ADAM33: variants seen among roughly 807,000 people sequenced by gnomAD.
ADAM33 encodes the protein ADAM metallopeptidase domain 33.
A neutral mutation model predicts 106.2 loss-of-function variants in ADAM33; 103 were observed. That is an observed-to-expected ratio of 0.97 (90% CI 0.83 to 1.14). The LOEUF (loss-of-function observed/expected upper bound fraction) is 1.14. Among genes scored for constraint, ADAM33 ranks in the 50% most tolerant of loss-of-function variants. The pLI, the probability that ADAM33 is intolerant of heterozygous loss-of-function variation, is 0.00. For missense variants in ADAM33, 1,120 were observed against 1,096.6 expected, an observed-to-expected ratio of 1.02 and a Z score of -0.30; for synonymous variants, 483 against 453.0, an observed-to-expected ratio of 1.07 and a Z score of -0.84.
At chr20:3,673,109 G>T (rs1209437178) in intron 11 of ADAM33, 2 of 1,454,746 alleles carry the variant, frequency 1.4e-6, no homozygotes, top group Non-Finnish European at 1.8e-6. Context: ...ATCGCGACCC[G>T]ACGGTGCTCC....
intron 2 of ADAM33, among the ~76,000 whole-genome samples, chr20:3,677,674 G>T (rs968340221): frequency 6.6e-6 from 1 of 152,176 alleles, no homozygotes; most frequent in Non-Finnish European, 1.5e-5. Context: ...GTTTTCCTGG[G>T]CCTCCAGCAG....
Position 3,677,119 on chromosome 20 carries a change from C to A in ADAM33, c.202G>T (p.Val68Leu), listed in dbSNP as rs768306674. 6 of 1,611,330 alleles carry A rather than the reference C, an allele frequency of 3.7e-6. No homozygotes were observed. In the Middle Eastern group the frequency reaches 5.0e-4, roughly 133 times the overall value. The stretch of plus-strand genomic sequence containing the variant: ...TCCTGGCCTTCAGCCTCCAGGGCCA[C>A]CAGCCCCATGTCTGGCTTCGAGACC... Reference protein sequence around the residue: ...EPVSKPDMGLVALEAEGQELL... With the variant: ...EPVSKPDMGLLALEAEGQELL... The change falls in exon 3 of 22, where the codon GTG becomes TTG. Residue 68 changes from valine to leucine, a missense_variant. Val to Leu is a conservative substitution (Grantham distance 32). Transcript: ENST00000356518.
chr20:3,671,459 T>C lies in ADAM33; in HGVS notation c.1943A>G (p.Gln648Arg). The C allele has an allele frequency of 6.2e-7, 1 of 1,612,000 alleles. No homozygotes were observed. The change falls in exon 17 of 22, where the codon CAG (glutamine) becomes CGG (arginine). Residue 648 changes from glutamine to arginine, a missense_variant. Physicochemically the swap from Gln to Arg is conservative, Grantham distance 43. Coordinates refer to ENST00000356518, the MANE Select transcript of ADAM33 (RefSeq NM_025220.5). Reference protein sequence around the residue: ...QSRRCRKNAFQELQRCLTACH... With the variant: ...QSRRCRKNAFRELQRCLTACH... ...GGCAGTCAGGCAGCGCTGAAGCTCC[T>C]GGAAGGCATTCTTCCTGCAGCGCCT... is the stretch of plus-strand genomic sequence containing the variant.
chr20:3,672,455 C>T (rs1568802335), intron 13 of ADAM33, 82 bp downstream of exon 13: 39 of 1,583,560 alleles, frequency 2.5e-5, no homozygotes, highest in Non-Finnish European at 3.4e-5. Context: ...ACGGGGGAAC[C>T]TGAGGGCACC....
chr20:3,671,340 G>A lies in ADAM33; in HGVS notation c.1989C>T (p.Cys663=), dbSNP rs2087519687. ...CACAGTGGCAGTTATGGTTGCTATT[G>A]CAAACCTGCAGAGAAGAGAAGAGGA... is the stretch of plus-strand genomic sequence containing the variant. ...CLTACHSHGV[C]NSNHNCHCAP... The change falls in exon 18 of 22, where the codon TGC becomes TGT. Residue 663 remains cysteine, a synonymous_variant. Coordinates refer to ENST00000356518, the MANE Select transcript of ADAM33 (RefSeq NM_025220.5). The A allele has an allele frequency of 2.4e-5, 38 of 1,613,736 alleles. No homozygotes were observed. Among genetic ancestry groups the A allele is most frequent in the Non-Finnish European group, 3.2e-5 (38 of 1,179,850 alleles).
Position 3,679,521 on chromosome 20 carries a change from G to T in ADAM33, c.148C>A (p.Pro50Thr). The change falls in exon 2 of 22, where the codon CCC becomes ACC. Residue 50 changes from proline to threonine, a missense_variant. By Grantham distance (38) the Pro-to-Thr change is conservative (BLOSUM62 -1). Coordinates refer to ENST00000356518, the MANE Select transcript of ADAM33 (RefSeq NM_025220.5). ...VTPHWVLDGQPWRTVSLEEPV... is the reference protein window; with the variant it reads ...VTPHWVLDGQTWRTVSLEEPV... ...TCCTCCAGGCTGACGGTGCGCCAGG[G>T]TTGTCCATCCAGGACCCAGTGCGGG... 24 of 1,610,860 alleles carry T rather than the reference G, an allele frequency of 1.5e-5. No individual in the cohort carries two copies. The highest frequency in any genetic ancestry group is 2.0e-5 in the Non-Finnish European group (24 of 1,178,766).
chr20:3,673,511 G>A lies in ADAM33; in HGVS notation c.991-15C>T. 1.4e-6 allele frequency: 2 copies of A among 1,475,602 alleles called. No individual in the cohort carries two copies. The highest frequency in any genetic ancestry group is 1.9e-4 in the Middle Eastern group (1 of 5,216). 91.4% of individuals were successfully genotyped at this position (1,475,602 alleles called of 1,614,324 possible). A position where few individuals can be genotyped will look rare whatever the true frequency, so the allele number is the denominator to read the frequency against. ...TCCGAGTGGTCCTGGGGGGCCGTGG[G>A]AGGGCGGTCACTGCGGCCGTAGAGC... On this transcript the variant is annotated splice_polypyrimidine_tract_variant and intron_variant, in intron 10 of 21. Transcript: ENST00000356518.
At chr20:3,669,901 C>T (rs1261105800) in intron 19 of ADAM33, 1 of 594,014 alleles carries the variant, frequency 1.7e-6, no homozygotes, top group Non-Finnish European at 3.0e-6. Flanking sequence ...TGACAGCAGC[C>T]TGGCACTCTC....
At chr20:3,676,961 C>T in intron 3 of ADAM33, 106 bp downstream of exon 3, 2 of 1,223,476 alleles carry the variant, frequency 1.6e-6, no homozygotes, top group Non-Finnish European at 2.2e-6. Context: ...CATCTGCACC[C>T]TCTCTGGGGT....
intron 2 of ADAM33, 92 bp downstream of exon 2, chr20:3,679,400 C>G (rs1471189213): frequency 2.9e-6 from 4 of 1,371,826 alleles, no homozygotes; most frequent in Non-Finnish European, 4.0e-6. Flanking sequence ...GTTCTGGGGA[C>G]CCCAGCAAAA....
chr20:3,673,924 C>T lies in ADAM33; in HGVS notation c.739-13G>A, dbSNP rs1035779494. 1 of 1,568,048 alleles carries T rather than the reference C, an allele frequency of 6.4e-7. No individual in the cohort carries two copies. Among genetic ancestry groups the T allele is most frequent in the Non-Finnish European group, 8.6e-7 (1 of 1,162,366 alleles). On this transcript the variant is annotated splice_polypyrimidine_tract_variant and intron_variant, in intron 8 of 21. Transcript: ENST00000356518. Reference sequence around the variant, plus strand: ...GAGTCCTGAGAAGCTGAGGGCGAGGCGGGGCTGAAGCCGGGACAGGGCGCC... The same window carrying T: ...GAGTCCTGAGAAGCTGAGGGCGAGGTGGGGCTGAAGCCGGGACAGGGCGCC...
intron 19 of ADAM33, 47 bp from the exon 20 acceptor site, chr20:3,669,684 G>T: frequency 6.6e-7 from 1 of 1,520,948 alleles, no homozygotes; most frequent in East Asian, 2.3e-5. Flanking sequence ...GTGATCCTGA[G>T]TGGGTTATTG....
chr20:3,673,706 G>C lies in ADAM33; in HGVS notation c.905+39C>G, dbSNP rs928840259. The C allele has an allele frequency of 4.4e-6, 6 of 1,368,710 alleles. No individual in the cohort carries two copies. The African/African-American group carries it at 9.2e-5, about 21-fold the overall frequency. 84.8% of individuals were successfully genotyped at this position (1,368,710 alleles called of 1,614,324 possible). ...CCAGGCGGGGCCGGGAGGTGAGGCC[G>C]CCCCACCCGGGACCCGCGTCCGGGT... On this transcript the variant is annotated intron_variant, in intron 9 of 21. Transcript: ENST00000356518.
Position 3,671,157 on chromosome 20 carries a change from C to T in ADAM33, c.2093-4G>A, listed in dbSNP as rs374116738. 89 of 1,612,770 alleles carry T rather than the reference C, an allele frequency of 5.5e-5. No individual in the cohort carries two copies. The highest frequency in any genetic ancestry group is 6.3e-5 in the Non-Finnish European group (74 of 1,179,586). On this transcript the variant is annotated splice_polypyrimidine_tract_variant and splice_region_variant and intron_variant, in intron 18 of 21. Coordinates refer to ENST00000356518, the MANE Select transcript of ADAM33 (RefSeq NM_025220.5). ...GCCAGCAGGAAGGTGTCATGGTCTG[C>T]GGGGATTGGGGGAAGGGGCGCTGAG...
rs144141924 is a variant in ADAM33, at chr20:3,674,133, G to C, written c.669C>G (p.Phe223Leu). The change falls in exon 8 of 22, where the codon TTC becomes TTG. Residue 223 changes from phenylalanine to leucine, a missense_variant and splice_region_variant. Coordinates refer to ENST00000356518, the MANE Select transcript of ADAM33 (RefSeq NM_025220.5). ...GGTTCAAGTTTCGGTGCCGAGTCAA[G>C]AACTGGGAAGGCAGAAATCCCGGTG... ...ELYIVADHTL[F>L]LTRHRNLNHT... is the part of the protein sequence containing the mutation. The C allele has an allele frequency of 6.8e-6, 11 of 1,614,084 alleles. No individual in the cohort carries two copies. The African/African-American group carries it at 1.5e-4, about 22-fold the overall frequency.
At chr20:3,681,156 C>T (rs17548962) in intron 1 of ADAM33, among the ~76,000 whole-genome samples, 4,990 of 152,306 alleles carry the variant, frequency 0.033, 107 homozygotes, top group Non-Finnish European at 0.055. Flanking sequence ...TGGTTGCCCT[C>T]CCTGTTCCCG....
chr20:3,672,952 G>T (rs1176599610), intron 11 of ADAM33, 54 bp from the exon 12 acceptor site: 1 of 1,473,420 alleles, frequency 6.8e-7, no homozygotes, highest in Non-Finnish European at 8.9e-7. Context: ...CAACCCCCGC[G>T]CTTCTCTGAT....
chr20:3,673,719 C>A (rs1444408242), intron 9 of ADAM33, 26 bp downstream of exon 9: 72 of 1,396,394 alleles, frequency 5.2e-5, no homozygotes, highest in Non-Finnish European at 6.6e-5. Context: ...CCACCCGGGA[C>A]CCGCGTCCGG....
Position 3,675,165 on chromosome 20 carries a change from T to A in ADAM33, c.255-60A>T. The A allele has an allele frequency of 7.6e-7, 1 of 1,316,528 alleles. No individual in the cohort carries two copies. Among genetic ancestry groups the A allele is most frequent in the Admixed American group, 1.9e-5 (1 of 52,202 alleles). The allele number at this position is 1,316,528 out of a possible 1,614,324, so 81.6% of individuals were successfully genotyped here. ...GCTTCCTCCTGCCTCCTCCAGGATG[T>A]CTCCCAGCCTTCCTCCCTAAATGCT... On this transcript the variant is annotated intron_variant, in intron 3 of 21. Transcript: ENST00000356518. The surrounding 1 kb of genome is among the most constrained non-coding windows in gnomAD (Gnocchi z 4.1).
Sources: gnomAD v4.1 joint callset for allele counts (sites outside exome capture counted in the v4.1 genomes callset) on GRCh38, gnomAD v4.1.1 for gene constraint, Gnocchi (gnomAD v3.1) non-coding constraint, MANE v1.5 for transcripts, NCBI Gene and HGNC (gene_info 2026-07-23, HGNC 2026-07-21) for gene names.